KIF6: variants seen among roughly 807,000 people sequenced by gnomAD.
KIF6 encodes the protein kinesin family member 6.
In KIF6, 106 loss-of-function variants were observed where a neutral mutation model predicts 112.7. The ratio of observed to expected loss-of-function variants is 0.94; its 90% CI spans 0.80 to 1.11. The LOEUF (loss-of-function observed/expected upper bound fraction) is 1.11. KIF6 is among the 50% of genes least tolerant of loss of function. The pLI, the probability that KIF6 is intolerant of heterozygous loss-of-function variation, is 0.00. For missense variants in KIF6, 929 were observed against 964.0 expected (o/e 0.96, Z 0.48); for synonymous variants, 339 against 339.9 (o/e 1.00, Z 0.03).
At chr6:39,703,071 A>T (rs900954886) in intron 3 of KIF6, among the ~76,000 whole-genome samples, 1 of 25,574 alleles carries the variant, frequency 3.9e-5, no homozygotes, top group Admixed American at 6.2e-4. Flanking sequence ...GACAAAATCC[A>T]CCAACCCCCC....
Position 39,578,044 on chromosome 6 carries a change from C to A in KIF6, c.1181+12G>T. Reference sequence around the variant, plus strand: ...CTGTTAAAGAAAAAGAAAAAAAAGTCTGCAGACTTACTGAAGGAGCTCTGC... The same window carrying A: ...CTGTTAAAGAAAAAGAAAAAAAAGTATGCAGACTTACTGAAGGAGCTCTGC... On this transcript the variant is annotated intron_variant, in intron 10 of 22. Coordinates refer to ENST00000287152, the MANE Select transcript of KIF6 (RefSeq NM_145027.6). 2 of 1,580,020 alleles carry A rather than the reference C, an allele frequency of 1.3e-6. No individual in the cohort carries two copies. The highest frequency in any genetic ancestry group is 1.7e-6 in the Non-Finnish European group (2 of 1,151,406).
chr6:39,465,742 A>C (rs1459415146), intron 13 of KIF6, among the ~76,000 whole-genome samples: 1 of 151,772 alleles, frequency 6.6e-6, no homozygotes, highest in African/African-American at 2.4e-5. Context: ...TTCTTCTGCC[A>C]CTCCCCACCA....
intron 6 of KIF6, among the ~76,000 whole-genome samples, chr6:39,607,067 G>C (rs1782930082): frequency 6.6e-6 from 1 of 151,932 alleles, no homozygotes; most frequent in African/African-American, 2.4e-5. Context: ...ATTTTTTGTT[G>C]CTGTTGTTGG....
intron 16 of KIF6, among the ~76,000 whole-genome samples, chr6:39,365,539 C>A (rs1269989334): frequency 6.6e-6 from 1 of 152,194 alleles, no homozygotes; most frequent in Non-Finnish European, 1.5e-5. Context: ...CTGGCCTTGC[C>A]TTCTTTGAAA....
At chr6:39,712,728 C>G (rs867811532) in intron 3 of KIF6, among the ~76,000 whole-genome samples, 6 of 152,018 alleles carry the variant, frequency 3.9e-5, no homozygotes, top group African/African-American at 1.5e-4. Flanking sequence ...CGCATGTTCT[C>G]ACTCATAGGT....
At chr6:39,410,945 T>C (rs1185884101) in intron 15 of KIF6, among the ~76,000 whole-genome samples, 1 of 152,234 alleles carries the variant, frequency 6.6e-6, no homozygotes, top group East Asian at 1.9e-4. Context: ...GGTCATAGTT[T>C]CCTGGACCAG....
chr6:39,688,090 T>C (rs545810916), intron 3 of KIF6, among the ~76,000 whole-genome samples: 79 of 152,318 alleles, frequency 5.2e-4, no homozygotes, highest in South Asian at 1.5e-3. Context: ...ATAGGTGGTC[T>C]TGAGAAGGAA....
intron 10 of KIF6, among the ~76,000 whole-genome samples, chr6:39,559,422 A>C (rs1195418917): frequency 1.3e-5 from 2 of 152,112 alleles, no homozygotes; most frequent in Non-Finnish European, 2.9e-5. Context: ...TTAGAAAAGG[A>C]CTATATTTGA....
At chr6:39,687,305 T>A (rs1033355648) in intron 3 of KIF6, among the ~76,000 whole-genome samples, 1 of 152,192 alleles carries the variant, frequency 6.6e-6, no homozygotes, top group Non-Finnish European at 1.5e-5. Flanking sequence ...ACCAAAATTA[T>A]GTAGAAACTA....
intron 15 of KIF6, 94 bp downstream of exon 15, chr6:39,419,854 T>A: frequency 9.2e-7 from 1 of 1,081,354 alleles, no homozygotes; most frequent in Non-Finnish European, 1.4e-6. Flanking sequence ...AACTGGCCAT[T>A]TGGGGCTTCA....
At chr6:39,453,805 T>A (rs1244731223) in intron 13 of KIF6, among the ~76,000 whole-genome samples, 1 of 152,224 alleles carries the variant, frequency 6.6e-6, no homozygotes, top group Non-Finnish European at 1.5e-5. Context: ...TCTTGGCCTC[T>A]CTGAGGTATT....
chr6:39,668,566 G>C (rs548529693), intron 3 of KIF6, among the ~76,000 whole-genome samples: 4 of 152,094 alleles, frequency 2.6e-5, no homozygotes, highest in African/African-American at 9.7e-5. Flanking sequence ...TGAATACTTC[G>C]TGTGATGAGA....
chr6:39,566,881 A>C (rs1233459877), intron 10 of KIF6, among the ~76,000 whole-genome samples: 1 of 152,236 alleles, frequency 6.6e-6, no homozygotes, highest in Non-Finnish European at 1.5e-5. Flanking sequence ...GTGTAAAATC[A>C]GCAAGTGACA....
Position 39,346,469 on chromosome 6 carries a change from T to A in KIF6, c.2231+7A>T. 1.4e-6 allele frequency: 1 copy of A among 716,094 alleles called. No individual in the cohort carries two copies. The allele number at this position is 716,094 out of a possible 1,614,324, so 44.4% of individuals were successfully genotyped here. ...AGCTGTCTATGAACCGGGAAGGGGG[T>A]CCTCACCAGACATCGAATCTGCCAG... On this transcript the variant is annotated splice_region_variant and intron_variant, in intron 20 of 22. Coordinates refer to ENST00000287152, the MANE Select transcript of KIF6 (RefSeq NM_145027.6).
chr6:39,724,845 T>A (rs1159696344), intron 1 of KIF6, among the ~76,000 whole-genome samples: 1 of 152,222 alleles, frequency 6.6e-6, no homozygotes, highest in Non-Finnish European at 1.5e-5. Flanking sequence ...AGTGCCAAAA[T>A]GTACCTTTGA....
rs920567385 is a variant in KIF6 at position 39,338,906 on chromosome 6, G to T, written c.2429-2358C>A. ...TCTGAGCCATCTCCCACCCAGGATG[G>T]TCTCTGAGCCCCTCACACACTTGCA... On this transcript the variant is annotated intron_variant, in intron 22 of 22. Transcript: ENST00000287152. Among the ~76,000 whole-genome samples the T allele has an allele frequency of 3.1e-5, 4 of 127,490 alleles. No homozygotes were observed. In the Admixed American group the frequency reaches 3.9e-4, roughly 13 times the overall value. 83.6% of individuals were successfully genotyped at this position (127,490 alleles called of 152,430 possible). A position where few individuals can be genotyped will look rare whatever the true frequency, so the allele number is the denominator to read the frequency against.
intron 19 of KIF6, among the ~76,000 whole-genome samples, chr6:39,347,725 A>T (rs1763915660): frequency 6.6e-6 from 1 of 152,238 alleles, no homozygotes; most frequent in Non-Finnish European, 1.5e-5. Flanking sequence ...CTTCAGTCCA[A>T]GGTACTCTAC....
At chr6:39,403,500 T>C (rs1420688699) in intron 15 of KIF6, among the ~76,000 whole-genome samples, 1 of 152,212 alleles carries the variant, frequency 6.6e-6, no homozygotes, top group East Asian at 1.9e-4. Flanking sequence ...TCTGCTCTTT[T>C]TATTGCTGAG....
At chr6:39,381,904 T>G (rs1297042665) in intron 16 of KIF6, among the ~76,000 whole-genome samples, 1 of 152,236 alleles carries the variant, frequency 6.6e-6, no homozygotes, top group Non-Finnish European at 1.5e-5. Flanking sequence ...ACACCTGCTG[T>G]AATTCAGAAG....
Sources: allele counts gnomAD v4.1 joint callset (sites outside exome capture counted in the v4.1 genomes callset), GRCh38; gene constraint gnomAD v4.1.1; transcripts MANE v1.5; gene names NCBI Gene and HGNC (gene_info 2026-07-23, HGNC 2026-07-21).